The following GALNTL6 variants were observed in gnomAD, a reference collection of about 807,000 sequenced individuals.
GALNTL6 encodes polypeptide N-acetylgalactosaminyltransferase-like 6.
GALNTL6 carries 46 observed loss-of-function variants against 73.7 expected under a neutral mutation model. That is an observed-to-expected ratio of 0.62 (90% CI 0.49 to 0.80). The LOEUF is 0.80. Ranked by LOEUF, GALNTL6 falls within the 30% of genes least tolerant of loss-of-function variation. The pLI, the probability that GALNTL6 is intolerant of heterozygous loss-of-function variation, is 0.00. For missense variants in GALNTL6, 604 were observed against 755.0 expected (o/e 0.80, Z 2.34); for synonymous variants, 259 against 263.7 (o/e 0.98, Z 0.17).
At chr4:173,032,892 C>A (rs1753530073) in intron 12 of GALNTL6, among the ~76,000 whole-genome samples, 1 of 152,014 alleles carries the variant, frequency 6.6e-6, no homozygotes. Context: ...GGACCACAGC[C>A]CAAAAATGCT....
intron 5 of GALNTL6, among the ~76,000 whole-genome samples, chr4:172,494,351 C>T (rs1579127130): frequency 2.0e-5 from 3 of 152,232 alleles, no homozygotes; most frequent in Admixed American, 2.0e-4. Flanking sequence ...GGATACAAAT[C>T]CAAATTTCTT....
intron 2 of GALNTL6, among the ~76,000 whole-genome samples, chr4:171,941,345 T>C (rs976623911): frequency 1.3e-5 from 2 of 152,230 alleles, no homozygotes; most frequent in African/African-American, 4.8e-5. Flanking sequence ...GCCTATGCAA[T>C]ACTAGGAAAC....
At chr4:172,457,189 G>A (rs1732428480) in intron 5 of GALNTL6, among the ~76,000 whole-genome samples, 1 of 151,394 alleles carries the variant, frequency 6.6e-6, no homozygotes, top group African/African-American at 2.4e-5. Context: ...CCTTACAAGA[G>A]CTCCTGAAGG....
chr4:172,295,738 C>T (rs12500677), intron 3 of GALNTL6, among the ~76,000 whole-genome samples: 62,567 of 151,192 alleles, frequency 0.41, 15,091 homozygotes, highest in South Asian at 0.64. Flanking sequence ...CCCTCCCACA[C>T]ACACACAGGT....
intron 8 of GALNTL6, among the ~76,000 whole-genome samples, chr4:172,923,218 G>A (rs923491038): frequency 1.3e-5 from 2 of 151,914 alleles, no homozygotes; most frequent in Non-Finnish European, 2.9e-5. Flanking sequence ...ATGGACTTAC[G>A]GTTCTACACA....
At chr4:172,974,960 G>T (rs1750741083) in intron 10 of GALNTL6, among the ~76,000 whole-genome samples, 2 of 152,334 alleles carry the variant, frequency 1.3e-5, no homozygotes, top group South Asian at 4.1e-4. Context: ...TCCAAAGAGG[G>T]TGTCACAGCC....
chr4:172,491,351 C>CA (rs201195053), intron 5 of GALNTL6, among the ~76,000 whole-genome samples: 16,018 of 36,188 alleles, frequency 0.44, 911 homozygotes, highest in East Asian at 0.55. Flanking sequence ...TAAAAACAAA[C>CA]AAAAACAAAA....
chr4:172,638,954 G>A (rs1739830203), intron 5 of GALNTL6, among the ~76,000 whole-genome samples: 1 of 152,034 alleles, frequency 6.6e-6, no homozygotes, highest in African/African-American at 2.4e-5. Context: ...TTAAAATCAA[G>A]TTGTGCATTT....
At chr4:172,006,691 G>A (rs557341105) in intron 2 of GALNTL6, among the ~76,000 whole-genome samples, 59 of 152,082 alleles carry the variant, frequency 3.9e-4, no homozygotes, top group African/African-American at 1.4e-3. Context: ...AAAAACTAAA[G>A]TTCTTGGGGG....
intron 5 of GALNTL6, among the ~76,000 whole-genome samples, chr4:172,541,157 G>A (rs1735538604): frequency 6.6e-6 from 1 of 152,132 alleles, no homozygotes; most frequent in Non-Finnish European, 1.5e-5. Context: ...ATTATACCAG[G>A]TTAATTTTTT....
chr4:172,552,844 A>AAAAAAAC (rs1480139931), intron 5 of GALNTL6, among the ~76,000 whole-genome samples: 1 of 149,750 alleles, frequency 6.7e-6, no homozygotes, highest in African/African-American at 2.4e-5. Flanking sequence ...CAGTAAAAAA[A>AAAAAAAC]AAAAAAAAAA....
intron 5 of GALNTL6, among the ~76,000 whole-genome samples, chr4:172,779,886 C>G (rs1175853644): frequency 6.6e-6 from 1 of 152,100 alleles, no homozygotes; most frequent in Non-Finnish European, 1.5e-5. Flanking sequence ...GCTAACCAAG[C>G]ACATATTGAA....
chr4:171,931,698 C>T (rs985844947), intron 2 of GALNTL6, among the ~76,000 whole-genome samples: 4 of 152,082 alleles, frequency 2.6e-5, no homozygotes, highest in African/African-American at 9.7e-5. Context: ...TGAATATCAA[C>T]TAGATGTTAT....
chr4:172,763,209 A>G (rs949756116), intron 5 of GALNTL6, among the ~76,000 whole-genome samples: 9 of 152,300 alleles, frequency 5.9e-5, no homozygotes, highest in Admixed American at 3.3e-4. Context: ...AAAAAAAACA[A>G]AACTGGAGAA....
chr4:171,942,812 G>A (rs1738591676), intron 2 of GALNTL6, among the ~76,000 whole-genome samples: 1 of 152,226 alleles, frequency 6.6e-6, no homozygotes. Flanking sequence ...AGTGTCTGAT[G>A]TGATGGTTGT....
chr4:172,106,314 G>C (rs950658437), intron 2 of GALNTL6, among the ~76,000 whole-genome samples: 1 of 152,128 alleles, frequency 6.6e-6, no homozygotes, highest in Non-Finnish European at 1.5e-5. Flanking sequence ...AGAAGCTCTA[G>C]AATAGAGGGT....
chr4:172,843,948 A>T (rs1030485264), intron 7 of GALNTL6, among the ~76,000 whole-genome samples: 12 of 152,124 alleles, frequency 7.9e-5, no homozygotes, highest in Admixed American at 7.9e-4. Context: ...TACTCCAGCT[A>T]TTTGGGAGGC....
chr4:171,821,256 G>C (rs1255493605), intron 2 of GALNTL6, among the ~76,000 whole-genome samples: 1 of 151,964 alleles, frequency 6.6e-6, no homozygotes, highest in Non-Finnish European at 1.5e-5. Flanking sequence ...TACCCAGGCT[G>C]GTCTCAACTC....
chr4:172,909,769 TA>T (rs1747101844), intron 8 of GALNTL6, among the ~76,000 whole-genome samples: 1 of 152,118 alleles, frequency 6.6e-6, no homozygotes, highest in Admixed American at 6.5e-5. Context: ...TCAACAATTT[TA>T]TTTCTATTTA....
Sources: allele counts gnomAD v4.1 joint callset (sites outside exome capture counted in the v4.1 genomes callset), GRCh38; gene constraint gnomAD v4.1.1; transcripts MANE v1.5; gene names NCBI Gene and HGNC (gene_info 2026-07-23, HGNC 2026-07-21).